The following TENM3 variants were observed in gnomAD, a reference collection of about 807,000 sequenced individuals.
The protein encoded by TENM3 is teneurin-3.
In TENM3, 63 loss-of-function variants were observed where a neutral mutation model predicts 255.1. The observed-to-expected ratio is 0.25, with a 90% CI of 0.20 to 0.30. TENM3 has a LOEUF of 0.30. Ranked by LOEUF, TENM3 falls within the 10% of genes least tolerant of loss-of-function variation. TENM3 has a pLI of 1.00. For missense variants in TENM3, 2,929 were observed against 3,461.1 expected (o/e 0.85, Z 3.86); for synonymous variants, 1,306 against 1,322.3 (o/e 0.99, Z 0.27).
chr4:181,933,008 C>T, the TENM3 span, among the ~76,000 whole-genome samples: 1 of 151,994 alleles, frequency 6.6e-6, no homozygotes, highest in Non-Finnish European at 1.5e-5. Context: ...ACACTGGGGC[C>T]TCCCAGGGGG....
the TENM3 span, among the ~76,000 whole-genome samples, chr4:181,703,012 G>A: frequency 6.6e-6 from 1 of 152,120 alleles, no homozygotes; most frequent in Non-Finnish European, 1.5e-5. Context: ...CAATAGATAA[G>A]GTAGGCGAAA....
chr4:181,526,239 T>C, the TENM3 span, among the ~76,000 whole-genome samples: 1 of 150,468 alleles, frequency 6.6e-6, no homozygotes, highest in Non-Finnish European at 1.5e-5. Context: ...TCACTTTTGC[T>C]TTATAATTTT....
the TENM3 span, among the ~76,000 whole-genome samples, chr4:181,645,674 G>A: frequency 6.6e-6 from 1 of 152,128 alleles, no homozygotes; most frequent in Non-Finnish European, 1.5e-5. Flanking sequence ...GTGATATGAA[G>A]GAACTACAGA....
At chr4:182,264,257 G>A (rs1759081047) in intron 1 of TENM3, among the ~76,000 whole-genome samples, 1 of 152,242 alleles carries the variant, frequency 6.6e-6, no homozygotes, top group Non-Finnish European at 1.5e-5. Flanking sequence ...ACGTGGGCTT[G>A]GAACACCTGC....
At chr4:182,757,865 T>G (rs1039687819) in intron 22 of TENM3, among the ~76,000 whole-genome samples, 1 of 152,164 alleles carries the variant, frequency 6.6e-6, no homozygotes, top group African/African-American at 2.4e-5. Flanking sequence ...ACATGTCATA[T>G]TTAAAGTATA....
At chr4:182,264,236 T>G (rs1759079647) in intron 1 of TENM3, among the ~76,000 whole-genome samples, 1 of 152,250 alleles carries the variant, frequency 6.6e-6, no homozygotes, top group South Asian at 2.1e-4. Context: ...TTGAGGGTAC[T>G]TCAGGATGAA....
At position 182,499,870 on chromosome 4, in the gene TENM3, A is replaced by G. The variant is rs114047847; in HGVS notation, c.512-101054A>G. The stretch of plus-strand genomic sequence containing the variant: ...TTTTTCTTTATAACATTTACAGACT[A>G]TAATAATGCTGTATACATAAACATT... On this transcript the variant is annotated intron_variant, in intron 3 of 27. Coordinates refer to ENST00000511685, the MANE Select transcript of TENM3 (RefSeq NM_001080477.4). Among the ~76,000 whole-genome samples, 1,357 of 152,304 alleles carry G rather than the reference A, an allele frequency of 8.9e-3. 18 individuals are homozygous for G. The highest frequency in any genetic ancestry group is 0.031 in the Middle Eastern group (9 of 294).
At chr4:181,645,591 G>A in the TENM3 span, among the ~76,000 whole-genome samples, 9 of 152,212 alleles carry the variant, frequency 5.9e-5, no homozygotes, top group Non-Finnish European at 1.5e-5. Context: ...TTAAAAATAT[G>A]AGAGGGGGAG....
At chr4:182,132,488 T>G in the TENM3 span, among the ~76,000 whole-genome samples, 1 of 151,100 alleles carries the variant, frequency 6.6e-6, no homozygotes, top group Non-Finnish European at 1.5e-5. Context: ...AGAATCTGTC[T>G]CAAAAAAAAA....
rs937878913 is a variant in TENM3, at chr4:182,362,069, C to G, written c.511+15140C>G. ...CCGCGAAAGCTGCTGTCTGATAGTT[C>G]CTCTGGAAGTTTTGTCTCAGAGGAG... On this transcript the variant is annotated intron_variant, in intron 3 of 27. Coordinates refer to ENST00000511685, the MANE Select transcript of TENM3 (RefSeq NM_001080477.4). Among the ~76,000 whole-genome samples the G allele has an allele frequency of 2.0e-5, 3 of 152,096 alleles. 1 individual carries two copies. In the East Asian group the frequency reaches 5.8e-4, roughly 29 times the overall value.
upstream of TENM3, among the ~76,000 whole-genome samples, chr4:182,241,175 G>C (rs540994488): frequency 1.2e-4 from 18 of 152,208 alleles, no homozygotes; most frequent in African/African-American, 4.1e-4. Flanking sequence ...GCTTCTCTCT[G>C]GTTTACCATT....
At chr4:182,035,667 C>G in the TENM3 span, among the ~76,000 whole-genome samples, 5 of 152,146 alleles carry the variant, frequency 3.3e-5, no homozygotes, top group African/African-American at 1.2e-4. Context: ...GTTGTATCAG[C>G]AGTTCTCTTG....
At chr4:181,687,812 A>T in the TENM3 span, among the ~76,000 whole-genome samples, 1 of 152,302 alleles carries the variant, frequency 6.6e-6, no homozygotes, top group Admixed American at 6.5e-5. Context: ...CTGACCTCCA[A>T]CATTAGGCTA....
intron 5 of TENM3, among the ~76,000 whole-genome samples, chr4:182,632,319 T>C (rs1390123245): frequency 6.6e-6 from 1 of 152,220 alleles, no homozygotes; most frequent in Admixed American, 6.5e-5. Flanking sequence ...GGTATACATT[T>C]TTTGAAGGAT....
chr4:181,551,563 A>T, the TENM3 span, among the ~76,000 whole-genome samples: 3 of 152,168 alleles, frequency 2.0e-5, no homozygotes, highest in African/African-American at 7.2e-5. Context: ...AAATATCAGA[A>T]CATTTTTATT....
chr4:181,795,046 T>C, the TENM3 span, among the ~76,000 whole-genome samples: 10 of 152,190 alleles, frequency 6.6e-5, no homozygotes, highest in Non-Finnish European at 4.4e-5. Context: ...CTTGTATAGT[T>C]GGCTGTTCTG....
chr4:181,608,198 G>A, the TENM3 span, among the ~76,000 whole-genome samples: 1 of 152,338 alleles, frequency 6.6e-6, no homozygotes, highest in East Asian at 1.9e-4. Flanking sequence ...GAGAGAGCAA[G>A]AGAGAGCATG....
the TENM3 span, among the ~76,000 whole-genome samples, chr4:181,836,118 C>T: frequency 1.1e-4 from 16 of 152,006 alleles, no homozygotes; most frequent in African/African-American, 3.9e-4. Context: ...CAATCATTCT[C>T]TCCCCAGAAT....
At chr4:181,854,460 T>A in the TENM3 span, among the ~76,000 whole-genome samples, 2 of 152,168 alleles carry the variant, frequency 1.3e-5, no homozygotes, top group Non-Finnish European at 2.9e-5. Flanking sequence ...AACTACGGTA[T>A]CTTTCCCTAG....
Sources: gnomAD v4.1 joint callset for allele counts (sites outside exome capture counted in the v4.1 genomes callset) on GRCh38, gnomAD v4.1.1 for gene constraint, MANE v1.5 for transcripts, NCBI Gene and HGNC (gene_info 2026-07-23, HGNC 2026-07-21) for gene names.